Variants in PIAS1 observed in about 807,000 individuals in gnomAD.
PIAS1 encodes protein inhibitor of activated STAT 1.
Under a neutral mutation model 71.3 loss-of-function variants are expected in PIAS1, and 6 were observed. That is an observed-to-expected ratio of 0.08 (90% confidence interval 0.05 to 0.17). PIAS1 has a LOEUF of 0.17. Among genes scored for constraint, PIAS1 ranks in the 10% least tolerant of loss-of-function variants. The pLI is 1.00. For synonymous variants in PIAS1, 303 were observed against 292.9 expected (o/e 1.03, Z -0.35); for missense variants, 555 against 793.6 (o/e 0.70, Z 3.61).
intron 1 of PIAS1, among the ~76,000 whole-genome samples, chr15:68,079,577 C>T (rs1177912104): frequency 6.6e-6 from 1 of 152,202 alleles, no homozygotes; most frequent in African/African-American, 2.4e-5. Context: ...AGGGATCCTC[C>T]TGCTTCAGTC....
chr15:68,058,691 C>G (rs1351416206), intron 1 of PIAS1, among the ~76,000 whole-genome samples: 1 of 152,192 alleles, frequency 6.6e-6, no homozygotes, highest in Non-Finnish European at 1.5e-5. Flanking sequence ...GAATCATACA[C>G]ATTAATTTTT....
chr15:68,115,819 C>T (rs983787354), intron 2 of PIAS1, among the ~76,000 whole-genome samples: 2 of 151,910 alleles, frequency 1.3e-5, no homozygotes, highest in Admixed American at 6.6e-5. Context: ...TTTTTTAGTG[C>T]GTTAATATGG....
chr15:68,118,555 T>TTGCAGA (rs200956022), intron 2 of PIAS1, among the ~76,000 whole-genome samples: 3,098 of 152,232 alleles, frequency 0.02, 94 homozygotes, highest in African/African-American at 0.068. Context: ...TTCTGCAAGC[T>TTGCAGA]GGTCTCTAAC....
chr15:68,164,910 C>T, intron 8 of PIAS1, 106 bp downstream of exon 8: 1 of 632,622 alleles, frequency 1.6e-6, no homozygotes, highest in East Asian at 2.8e-5. Flanking sequence ...TAAAATATGT[C>T]CACCATTGTT....
At chr15:68,098,484 C>T (rs1014801640) in intron 2 of PIAS1, among the ~76,000 whole-genome samples, 8 of 152,072 alleles carry the variant, frequency 5.3e-5, no homozygotes, top group Admixed American at 3.3e-4. Context: ...TATAAATGGA[C>T]CCACACAGTT....
intron 1 of PIAS1, among the ~76,000 whole-genome samples, chr15:68,067,654 A>G (rs570585895): frequency 6.6e-6 from 1 of 152,220 alleles, no homozygotes; most frequent in South Asian, 2.1e-4. Context: ...ATTAAGATTT[A>G]TATTGAGTGG....
chr15:68,144,321 G>A (rs1226572535), intron 4 of PIAS1, among the ~76,000 whole-genome samples: 1 of 152,024 alleles, frequency 6.6e-6, no homozygotes, highest in African/African-American at 2.4e-5. Context: ...ATAATTAGTT[G>A]AGAATTAGGA....
At chr15:68,101,383 A>G (rs1346547419) in intron 2 of PIAS1, among the ~76,000 whole-genome samples, 3 of 140,650 alleles carry the variant, frequency 2.1e-5, no homozygotes, top group Non-Finnish European at 3.0e-5. Flanking sequence ...TCTAGATTCT[A>G]GATTCTAGTC....
chr15:68,061,436 T>G (rs536741587), intron 1 of PIAS1: 5 of 152,338 alleles, frequency 3.3e-5, no homozygotes, highest in African/African-American at 4.8e-5. Flanking sequence ...GAACCCTTCC[T>G]TCAGAGTTTT....
At chr15:68,055,350 G>T (rs1295111933) in intron 1 of PIAS1, 1 of 276,244 alleles carries the variant, frequency 3.6e-6, no homozygotes, top group Non-Finnish European at 5.5e-6. Flanking sequence ...TAAATAGAAC[G>T]TTCCTCTTAA....
intron 2 of PIAS1, among the ~76,000 whole-genome samples, chr15:68,098,306 CTG>C (rs2092394142): frequency 6.6e-6 from 1 of 152,098 alleles, no homozygotes; most frequent in Admixed American, 6.6e-5. Flanking sequence ...AGAAAAGAAA[CTG>C]TTACTAAGAA....
At chr15:68,102,217 C>T (rs996772034) in intron 2 of PIAS1, among the ~76,000 whole-genome samples, 2 of 152,124 alleles carry the variant, frequency 1.3e-5, no homozygotes, top group Admixed American at 6.5e-5. Flanking sequence ...TTGCAAAGGC[C>T]GTCCTCCTCC....
intron 8 of PIAS1, among the ~76,000 whole-genome samples, chr15:68,166,134 A>G (rs930814114): frequency 6.6e-6 from 1 of 152,148 alleles, no homozygotes; most frequent in Non-Finnish European, 1.5e-5. Context: ...AAAATCATCA[A>G]ATTGTATCAT....
At chr15:68,062,084 T>G (rs543277602) in intron 1 of PIAS1, among the ~76,000 whole-genome samples, 13 of 152,302 alleles carry the variant, frequency 8.5e-5, no homozygotes, top group African/African-American at 3.1e-4. Flanking sequence ...ATTGAAAATA[T>G]TTTTAGGGTC....
chr15:68,152,162 G>A (rs566477414), intron 6 of PIAS1, among the ~76,000 whole-genome samples: 103 of 151,842 alleles, frequency 6.8e-4, no homozygotes, highest in African/African-American at 2.4e-3. Flanking sequence ...CGTTAGCCAG[G>A]ATGGTCCCGA....
intron 2 of PIAS1, among the ~76,000 whole-genome samples, chr15:68,124,872 A>C (rs1364995976): frequency 2.0e-5 from 3 of 152,174 alleles, no homozygotes; most frequent in Non-Finnish European, 4.4e-5. Context: ...TTGGCTTTTA[A>C]AAAAATGTAT....
At chr15:68,161,926 C>G (rs1028528480) in intron 7 of PIAS1, among the ~76,000 whole-genome samples, 7 of 150,860 alleles carry the variant, frequency 4.6e-5, no homozygotes, top group African/African-American at 1.7e-4. Context: ...GAGACTCTGT[C>G]TCAAAAAAAA....
At chr15:68,154,659 T>C (rs2092874972) in intron 7 of PIAS1, among the ~76,000 whole-genome samples, 1 of 152,210 alleles carries the variant, frequency 6.6e-6, no homozygotes, top group Non-Finnish European at 1.5e-5. Flanking sequence ...ATACCCTTAA[T>C]AGTTCATTGA....
rs1214422633 is a variant in PIAS1 at position 68,189,234 on chromosome 15, T to C, written c.*1399T>C. 6.6e-6 allele frequency: 1 copy of C among 152,182 alleles called. No individual in the cohort carries two copies. The highest frequency in any genetic ancestry group is 1.5e-5 in the Non-Finnish European group (1 of 68,024). 9.4% of individuals were successfully genotyped at this position (152,182 alleles called of 1,614,324 possible). A position where few individuals can be genotyped will look rare whatever the true frequency, so the allele number is the denominator to read the frequency against. On this transcript the variant is annotated 3_prime_UTR_variant, in exon 14 of 14. Transcript: ENST00000249636. Reference sequence around the variant, plus strand: ...AATATGAGTTGGAGGGAAGGAAAAGTGGTTCTACTAATGTTCCAAAATCCT... The same window carrying C: ...AATATGAGTTGGAGGGAAGGAAAAGCGGTTCTACTAATGTTCCAAAATCCT...
Sources: allele counts gnomAD v4.1 joint callset (sites outside exome capture counted in the v4.1 genomes callset), GRCh38; gene constraint gnomAD v4.1.1; transcripts MANE v1.5; gene names NCBI Gene and HGNC (gene_info 2026-07-23, HGNC 2026-07-21).